The following NPC1 variants were observed in gnomAD, a reference collection of about 807,000 sequenced individuals.
NPC1 encodes the protein NPC intracellular cholesterol transporter 1, also known as Niemann-Pick C1 protein.
In NPC1, 85 loss-of-function variants were observed where a neutral mutation model predicts 140.4. The observed-to-expected ratio is 0.61, with a 90% CI of 0.51 to 0.72. NPC1 has a LOEUF of 0.72. Ranked by LOEUF, NPC1 falls within the 30% of genes least tolerant of loss-of-function variation. The pLI, the probability that NPC1 is intolerant of heterozygous loss-of-function variation, is 0.00. For synonymous variants in NPC1, 656 were observed against 624.8 expected, an observed-to-expected ratio of 1.05 and a Z score of -0.74; for missense variants, 1,504 against 1,623.8, an observed-to-expected ratio of 0.93 and a Z score of 1.27.
At position 23,573,531 on chromosome 18, in the gene NPC1, G is replaced by C; in HGVS notation, c.101C>G (p.Ala34Gly). The change falls in exon 2 of 25, where the codon GCA becomes GGA. Residue 34 changes from alanine (A) to glycine (G), a missense_variant. By Grantham distance (60) the Ala-to-Gly change is moderately conservative. Transcript: ENST00000269228. Reference sequence around the variant, plus strand: ...GCAATTGTACCTCTTGTCCCCATATGCAATTCCACACTCTCCATACCAAAC... The same window carrying C: ...GCAATTGTACCTCTTGTCCCCATATCCAATTCCACACTCTCCATACCAAAC... ...SCVWYGECGI[A>G]YGDKRYNCEY... is the part of the protein sequence containing the mutation. The C allele has an allele frequency of 6.2e-7, 1 of 1,614,058 alleles. No homozygotes were observed. Among genetic ancestry groups the C allele is most frequent in the Non-Finnish European group, 8.5e-7 (1 of 1,180,002 alleles).
intron 1 of NPC1, among the ~76,000 whole-genome samples, chr18:23,577,333 T>A (rs113782747): frequency 3.5e-5 from 5 of 142,398 alleles, no homozygotes; most frequent in East Asian, 2.1e-4. Context: ...TGTCGATTGG[T>A]GCACTCACAA....
chr18:23,558,526 AAAAGG>A (rs2058987992), intron 6 of NPC1, among the ~76,000 whole-genome samples: 1 of 152,352 alleles, frequency 6.6e-6, no homozygotes, highest in African/African-American at 2.4e-5. Context: ...TTAAGGCCAG[AAAAGG>A]AAAGACTGAG....
At chr18:23,523,664 A>C (rs975715544) in intron 1 of NPC1, among the ~76,000 whole-genome samples, 2 of 151,622 alleles carry the variant, frequency 1.3e-5, no homozygotes, top group Admixed American at 6.6e-5. Context: ...TCGTGGTTAT[A>C]GTGGGCTATG....
rs761220408 is a variant in NPC1 at position 23,536,813 on chromosome 18, G to A, written c.3105C>T (p.Ala1035=). ...ILLGHGTRVG[A]TYFMTYHTVL... ...CGGTGTGGTAGGTCATGAAGTACGT[G>A]GCTCCGACCCTGGTGCCATGGCCAA... Residue 1035 remains alanine (A), a synonymous_variant, in exon 21 of 25, where the codon GCC becomes GCT. Coordinates refer to ENST00000269228, the MANE Select transcript of NPC1 (RefSeq NM_000271.5). 3 of 1,614,180 alleles carry A rather than the reference G, an allele frequency of 1.9e-6. No individual in the cohort carries two copies. Among genetic ancestry groups the A allele is most frequent in the Non-Finnish European group, 2.5e-6 (3 of 1,180,034 alleles).
rs888296055 is a variant in NPC1, at chr18:23,556,718, C to A, written c.956-105G>T. The A allele has an allele frequency of 3.9e-6, 6 of 1,536,960 alleles. No individual in the cohort carries two copies. In the Admixed American group the frequency reaches 1.2e-4, roughly 30 times the overall value. On this transcript the variant is annotated intron_variant, in intron 7 of 24. Transcript: ENST00000269228. ...TTGCTATCTCATGGCAGGAATCAAG[C>A]CCACCTGGGGACACATATGAGACCC...
At chr18:23,509,452 C>T (rs1207815933) in intron 3 of NPC1, among the ~76,000 whole-genome samples, 3 of 151,936 alleles carry the variant, frequency 2.0e-5, no homozygotes, top group Non-Finnish European at 4.4e-5. Flanking sequence ...TCACTGTAAT[C>T]TCAAACTCCT....
intron 3 of NPC1, among the ~76,000 whole-genome samples, chr18:23,511,036 T>C (rs76150450): frequency 1.3e-5 from 2 of 152,240 alleles, no homozygotes; most frequent in East Asian, 1.9e-4. Context: ...TGAATGTTCA[T>C]TGCAGCACTG....
downstream of NPC1, chr18:23,528,235 G>A (rs903344548): frequency 1.2e-4 from 23 of 186,190 alleles, no homozygotes; most frequent in African/African-American, 5.4e-4. Context: ...ATATTTTTCT[G>A]TTATGCCAGA....
chr18:23,586,453 G>A lies in NPC1; in HGVS notation c.-110C>T, dbSNP rs373558305. On this transcript the variant is annotated 5_prime_UTR_variant, in exon 1 of 25. Coordinates refer to ENST00000269228, the MANE Select transcript of NPC1 (RefSeq NM_000271.5). Reference sequence around the variant, plus strand: ...CAGCACCCCGCGCAGGAGGAGCGGAGGAGCAGGAGCAGGCGCTGACCGCGG... The same window carrying A: ...CAGCACCCCGCGCAGGAGGAGCGGAAGAGCAGGAGCAGGCGCTGACCGCGG... The A allele has an allele frequency of 2.0e-4, 294 of 1,488,534 alleles. 2 individuals carry two copies. In the African/African-American group the frequency reaches 3.4e-3, roughly 17 times the overall value. The allele number at this position is 1,488,534 out of a possible 1,614,324, so 92.2% of individuals were successfully genotyped here.
At chr18:23,575,573 G>A (rs2059263482) in intron 1 of NPC1, among the ~76,000 whole-genome samples, 1 of 151,972 alleles carries the variant, frequency 6.6e-6, no homozygotes, top group Admixed American at 6.6e-5. Flanking sequence ...TATATAGTAA[G>A]TACTCAGTAA....
At chr18:23,543,778 G>A (rs1204551947) in intron 13 of NPC1, among the ~76,000 whole-genome samples, 6 of 152,216 alleles carry the variant, frequency 3.9e-5, no homozygotes, top group Non-Finnish European at 7.4e-5. Flanking sequence ...GAAACTAAAG[G>A]GAAAGCTGAG....
chr18:23,582,229 A>G (rs2059365278), intron 1 of NPC1: 1 of 152,222 alleles, frequency 6.6e-6, no homozygotes, highest in Non-Finnish European at 1.5e-5. Flanking sequence ...TTGTGACCTA[A>G]GCAAGGGACA....
At position 23,551,537 on chromosome 18, in the gene NPC1, T is replaced by C; in HGVS notation, c.1654+90A>G. On this transcript the variant is annotated intron_variant, in intron 10 of 24. Transcript: ENST00000269228. ...TAAGAAATTAACAAAACTGCCCAAT[T>C]TATGAAATCTTCATAATTACCACTT... The C allele has an allele frequency of 3.0e-6, 3 of 1,004,970 alleles. No individual in the cohort carries two copies. In the South Asian group the frequency reaches 3.8e-5, roughly 13 times the overall value. The allele number at this position is 1,004,970 out of a possible 1,614,324, so 62.3% of individuals were successfully genotyped here.
Position 23,545,126 on chromosome 18 carries a change from T to C in NPC1, c.1781A>G (p.Tyr594Cys), listed in dbSNP as rs1176344046. ...GGAAATGGTCAGATTGGGATTCTTG[T>C]AGTTTTTCACAAAATTAATAAACCT... ...EKEFINFVKN[Y>C]KNPNLTISFT... Residue 594 changes from tyrosine to cysteine, a missense_variant, in exon 12 of 25, where the codon TAC (tyrosine) becomes TGC (cysteine). Physicochemically the swap from Tyr to Cys is radical, Grantham distance 194. Coordinates refer to ENST00000269228, the MANE Select transcript of NPC1 (RefSeq NM_000271.5). 1.2e-6 allele frequency: 2 copies of C among 1,612,788 alleles called. No individual in the cohort carries two copies. Among genetic ancestry groups the C allele is most frequent in the Admixed American group, 1.7e-5 (1 of 60,026 alleles).
At chr18:23,540,660 C>G in intron 16 of NPC1, 123 bp from the exon 17 acceptor site, 1 of 769,592 alleles carries the variant, frequency 1.3e-6, no homozygotes, top group Admixed American at 2.0e-5. Flanking sequence ...AAATGACAGG[C>G]TAATAGGGAG....
intron 1 of NPC1, among the ~76,000 whole-genome samples, chr18:23,574,836 T>C (rs904341917): frequency 6.6e-6 from 1 of 152,198 alleles, no homozygotes; most frequent in African/African-American, 2.4e-5. Flanking sequence ...ATTCCACCAC[T>C]ATTTTTATAT....
At chr18:23,571,932 T>C in intron 3 of NPC1, 142 bp downstream of exon 3, 1 of 294,682 alleles carries the variant, frequency 3.4e-6, no homozygotes, top group Admixed American at 4.7e-5. Context: ...CATGTATACA[T>C]ATATGTATAA....
At position 23,556,526 on chromosome 18, in the gene NPC1, C is replaced by T. The variant is rs955225422; in HGVS notation, c.1043G>A (p.Arg348Gln). The stretch of plus-strand genomic sequence containing the variant: ...GAAGAAAATGACACAGCCAGGGTTT[C>T]GGACGCAGAAAGACCCCCAGCGTGT... ...LFTRWGSFCVRNPGCVIFFSL... is the reference protein window; with the variant it reads ...LFTRWGSFCVQNPGCVIFFSL... The change falls in exon 8 of 25, where the codon CGA (arginine) becomes CAA (glutamine). Residue 348 changes from arginine (R) to glutamine (Q), a missense_variant. Coordinates refer to ENST00000269228, the MANE Select transcript of NPC1 (RefSeq NM_000271.5). The T allele has an allele frequency of 5.0e-6, 8 of 1,613,942 alleles. No individual in the cohort carries two copies. Among genetic ancestry groups the T allele is most frequent in the African/African-American group, 1.3e-5 (1 of 74,862 alleles).
intron 3 of NPC1, among the ~76,000 whole-genome samples, chr18:23,512,016 CT>C (rs34759918): frequency 0.2 from 25,869 of 127,162 alleles, 2,146 homozygotes; most frequent in Middle Eastern, 0.26. Context: ...GGTAGAAAGA[CT>C]TTTTTTTTTT....
Sources: gnomAD v4.1 joint callset for allele counts (sites outside exome capture counted in the v4.1 genomes callset) on GRCh38, gnomAD v4.1.1 for gene constraint, MANE v1.5 for transcripts, NCBI Gene and HGNC (gene_info 2026-07-23, HGNC 2026-07-21) for gene names.